The following KCNH1 variants were observed in gnomAD, a reference collection of about 807,000 sequenced individuals.
The protein encoded by KCNH1 is voltage-gated delayed rectifier potassium channel KCNH1.
In KCNH1, 27 loss-of-function variants were observed where a neutral mutation model predicts 69.2. That is an observed-to-expected ratio of 0.39 (90% CI 0.29 to 0.54). KCNH1 has a LOEUF of 0.54. KCNH1 is among the 20% of genes least tolerant of loss of function. The pLI is 0.68. For missense variants in KCNH1, 798 were observed against 1,261.6 expected (o/e 0.63, Z 5.57); for synonymous variants, 456 against 487.7 (o/e 0.93, Z 0.86).
intron 1 of KCNH1, among the ~76,000 whole-genome samples, chr1:211,124,555 A>T (rs1691744978): frequency 6.6e-6 from 1 of 152,072 alleles, no homozygotes; most frequent in African/African-American, 2.4e-5. Context: ...AAGCCAGGGA[A>T]ATCGCAAGCC....
chr1:211,090,641 C>A lies in KCNH1; in HGVS notation c.360G>T (p.Gln120His). 6.2e-7 allele frequency: 1 copy of A among 1,608,502 alleles called. No homozygotes were observed. Among genetic ancestry groups the A allele is most frequent in the Non-Finnish European group, 8.5e-7 (1 of 1,178,890 alleles). ...TGCAAAGAAATAAAACCACTTTATCCTGTTCGTTTCGAATTGGAGCAATTT... is the reference window on the plus strand; with the variant it reads ...TGCAAAGAAATAAAACCACTTTATCATGTTCGTTTCGAATTGGAGCAATTT... Reference protein sequence around the residue: ...FVKIAPIRNEQDKVVLFLCTF... With the variant: ...FVKIAPIRNEHDKVVLFLCTF... The change falls in exon 4 of 11, where the codon CAG (glutamine) becomes CAT (histidine). Residue 120 changes from glutamine (Q) to histidine (H), a missense_variant. Physicochemically the swap from Gln to His is conservative, Grantham distance 24. Transcript: ENST00000271751.
At chr1:210,981,724 C>A (rs904713549) in intron 6 of KCNH1, among the ~76,000 whole-genome samples, 3 of 152,164 alleles carry the variant, frequency 2.0e-5, no homozygotes, top group African/African-American at 7.2e-5. Flanking sequence ...TCAGGCAAAA[C>A]TTCCTGGCAA....
chr1:210,993,918 A>C (rs1688977219), intron 6 of KCNH1, among the ~76,000 whole-genome samples: 1 of 152,122 alleles, frequency 6.6e-6, no homozygotes, highest in Non-Finnish European at 1.5e-5. Context: ...AGAAGGTAAT[A>C]TAAAAAAAAA....
rs775756434 is a variant in KCNH1 at position 211,107,375 on chromosome 1, T to C, written c.82A>G (p.Thr28Ala). 6.5e-7 allele frequency: 1 copy of C among 1,547,364 alleles called. No individual in the cohort carries two copies. The highest frequency in any genetic ancestry group is 8.7e-7 in the Non-Finnish European group (1 of 1,153,840). Residue 28 changes from threonine to alanine, a missense_variant and splice_region_variant, in exon 2 of 11, where the codon ACT becomes GCT. Transcript: ENST00000271751. ...LENIVRRSND[T>A]NFVLGNAQIV... Reference sequence around the variant, plus strand: ...TGAGCATTCCCCAACACAAAATTAGTATCTGTTAAAAAAAAAAAAAAGGGA... The same window carrying C: ...TGAGCATTCCCCAACACAAAATTAGCATCTGTTAAAAAAAAAAAAAAGGGA...
chr1:211,115,299 T>C (rs1691549846), intron 1 of KCNH1, among the ~76,000 whole-genome samples: 3 of 152,188 alleles, frequency 2.0e-5, no homozygotes, highest in African/African-American at 7.2e-5. Context: ...AGAATTAATA[T>C]CGTTAACATG....
At chr1:210,755,216 A>G (rs966441521) in intron 10 of KCNH1, among the ~76,000 whole-genome samples, 2 of 152,280 alleles carry the variant, frequency 1.3e-5, no homozygotes, top group Middle Eastern at 3.4e-3. Flanking sequence ...TTGCTAACAG[A>G]TTAGGTGGGG....
intron 10 of KCNH1, among the ~76,000 whole-genome samples, chr1:210,711,106 C>A (rs1574199185): frequency 6.6e-6 from 1 of 152,228 alleles, no homozygotes; most frequent in South Asian, 2.1e-4. Flanking sequence ...TGCTACAGAT[C>A]TTGGCCCATG....
intron 7 of KCNH1, among the ~76,000 whole-genome samples, chr1:210,891,466 C>T (rs1318136893): frequency 4.0e-5 from 6 of 151,204 alleles, no homozygotes; most frequent in South Asian, 2.1e-4. Flanking sequence ...GTGCAGCACA[C>T]GAACATGGCA....
At chr1:210,775,270 G>T in intron 10 of KCNH1, 78 bp downstream of exon 10, 2 of 1,232,182 alleles carry the variant, frequency 1.6e-6, no homozygotes, top group Non-Finnish European at 1.2e-6. Flanking sequence ...ACAGCAAAGG[G>T]ACTTTTCTGG....
chr1:210,836,671 C>T (rs1685289493), intron 7 of KCNH1, among the ~76,000 whole-genome samples: 2 of 152,074 alleles, frequency 1.3e-5, no homozygotes, highest in Non-Finnish European at 2.9e-5. Flanking sequence ...AAATATATGG[C>T]GTCTCTCCTC....
At chr1:210,986,329 A>T (rs1430079837) in intron 6 of KCNH1, among the ~76,000 whole-genome samples, 2 of 152,138 alleles carry the variant, frequency 1.3e-5, no homozygotes, top group Non-Finnish European at 2.9e-5. Flanking sequence ...TGTCATTATG[A>T]TGTTAGCTGA....
chr1:210,880,434 T>C (rs1686470872), intron 7 of KCNH1, among the ~76,000 whole-genome samples: 1 of 152,074 alleles, frequency 6.6e-6, no homozygotes, highest in African/African-American at 2.4e-5. Flanking sequence ...GAAATAGACA[T>C]ACAAATATAG....
At chr1:210,967,973 C>T (rs993292049) in intron 6 of KCNH1, among the ~76,000 whole-genome samples, 4 of 152,012 alleles carry the variant, frequency 2.6e-5, no homozygotes, top group South Asian at 2.1e-4. Context: ...CCCACTAACT[C>T]GTCATCTAGC....
chr1:210,895,351 G>T (rs568978918), intron 7 of KCNH1, among the ~76,000 whole-genome samples: 1 of 151,988 alleles, frequency 6.6e-6, no homozygotes, highest in Non-Finnish European at 1.5e-5. Context: ...AATGTAGATG[G>T]AATAATAATT....
chr1:210,710,247 T>C (rs1303408314), intron 10 of KCNH1, among the ~76,000 whole-genome samples: 2 of 152,270 alleles, frequency 1.3e-5, no homozygotes, highest in East Asian at 3.9e-4. Flanking sequence ...CACACCTGTA[T>C]AGGGCACTTA....
At chr1:210,772,694 C>A (rs1574247042) in intron 10 of KCNH1, among the ~76,000 whole-genome samples, 1 of 152,076 alleles carries the variant, frequency 6.6e-6, no homozygotes, top group Non-Finnish European at 1.5e-5. Context: ...ATATGGGTAC[C>A]TAGGAGATGC....
intron 5 of KCNH1, among the ~76,000 whole-genome samples, chr1:211,062,646 A>G (rs1383056784): frequency 1.3e-5 from 2 of 152,210 alleles, no homozygotes; most frequent in African/African-American, 2.4e-5. Flanking sequence ...TAAAATGGAC[A>G]AAAGATCTAA....
chr1:210,788,569 A>G (rs1684146414), intron 9 of KCNH1, among the ~76,000 whole-genome samples: 1 of 151,992 alleles, frequency 6.6e-6, no homozygotes, highest in African/African-American at 2.4e-5. Flanking sequence ...ACACAGAATT[A>G]GGAAAGAGAA....
At chr1:210,979,040 C>A (rs889156047) in intron 6 of KCNH1, among the ~76,000 whole-genome samples, 3 of 152,180 alleles carry the variant, frequency 2.0e-5, no homozygotes, top group African/African-American at 7.2e-5. Context: ...CAACCTCGGG[C>A]TTCTAGAGAT....
Sources: allele counts gnomAD v4.1 joint callset (sites outside exome capture counted in the v4.1 genomes callset), GRCh38; gene constraint gnomAD v4.1.1; transcripts MANE v1.5; gene names NCBI Gene and HGNC (gene_info 2026-07-23, HGNC 2026-07-21).